Variants in CTNNA2 observed in about 807,000 individuals in gnomAD.
The protein encoded by CTNNA2 is catenin alpha 2.
Under a neutral mutation model 101.0 loss-of-function variants are expected in CTNNA2, and 42 were observed. The observed-to-expected ratio is 0.42, with a 90% confidence interval of 0.32 to 0.54. CTNNA2 has a LOEUF of 0.54. CTNNA2 is among the 20% of genes least tolerant of loss of function. The pLI is 0.14. For synonymous variants in CTNNA2, 450 were observed against 456.4 expected, an observed-to-expected ratio of 0.99 and a Z score of 0.18; for missense variants, 871 against 1,223.1, an observed-to-expected ratio of 0.71 and a Z score of 4.29.
At chr2:80,625,937 C>A (rs895580229) in intron 18 of CTNNA2, among the ~76,000 whole-genome samples, 2 of 151,472 alleles carry the variant, frequency 1.3e-5, no homozygotes, top group Non-Finnish European at 2.9e-5. Context: ...TATATTAAAC[C>A]CTTTTTAAGA....
At chr2:80,305,812 C>T (rs948387688) in intron 7 of CTNNA2, among the ~76,000 whole-genome samples, 1 of 152,052 alleles carries the variant, frequency 6.6e-6, no homozygotes, top group African/African-American at 2.4e-5. Context: ...AGAAAGCCTG[C>T]GGGAAGTGAG....
In CTNNA2 at chr2:79,841,718, A is replaced by G. The variant is rs569228084; in HGVS notation, c.299-16295A>G. Among the ~76,000 whole-genome samples the G allele has an allele frequency of 9.2e-5, 14 of 152,322 alleles. No homozygotes were observed. In the South Asian group the frequency reaches 2.7e-3, roughly 29 times the overall value. On this transcript the variant is annotated intron_variant, in intron 3 of 18. Transcript: ENST00000402739. The stretch of plus-strand genomic sequence containing the variant: ...TCAACGATCCTTTAAATATGTCTTC[A>G]GTCTTAATGAAGAAACATTAACTGG...
chr2:79,534,902 G>GAA (rs538462997), intron 1 of CTNNA2, among the ~76,000 whole-genome samples: 1,490 of 137,078 alleles, frequency 0.011, 27 homozygotes, highest in East Asian at 0.053. Flanking sequence ...TAAGAAGGGT[G>GAA]AAAAAAAAAA....
chr2:79,239,932 CTTTCTT>C (rs1338812195), intron 2 of CTNNA2, among the ~76,000 whole-genome samples: 1 of 109,276 alleles, frequency 9.2e-6, no homozygotes, highest in East Asian at 3.1e-4. Context: ...TTTTCTTTTT[CTTTCTT>C]TTTTTTTTTT....
chr2:80,171,546 T>C (rs1002790166), intron 7 of CTNNA2, among the ~76,000 whole-genome samples: 4 of 152,168 alleles, frequency 2.6e-5, no homozygotes, highest in Non-Finnish European at 4.4e-5. Flanking sequence ...CAATCTAGGA[T>C]GGGGAGGCAT....
At chr2:79,519,493 A>T (rs1461051780) in intron 1 of CTNNA2, among the ~76,000 whole-genome samples, 1 of 152,152 alleles carries the variant, frequency 6.6e-6, no homozygotes, top group Non-Finnish European at 1.5e-5. Context: ...GTGATTAAAT[A>T]AGCCTCAAAC....
At chr2:79,222,990 T>TA (rs113544177) in intron 2 of CTNNA2, among the ~76,000 whole-genome samples, 10,189 of 148,710 alleles carry the variant, frequency 0.069, 405 homozygotes, top group East Asian at 0.14. Context: ...TAAAAAAAGT[T>TA]AAAAAAAAAA....
chr2:80,463,476 G>T (rs989430551), intron 9 of CTNNA2, among the ~76,000 whole-genome samples: 2 of 152,092 alleles, frequency 1.3e-5, no homozygotes, highest in African/African-American at 4.8e-5. Flanking sequence ...TTCGGCTCTG[G>T]TTAAATCTTA....
intron 8 of CTNNA2, among the ~76,000 whole-genome samples, chr2:80,400,785 A>G (rs1473498374): frequency 1.3e-5 from 2 of 152,122 alleles, no homozygotes; most frequent in East Asian, 1.9e-4. Context: ...CTCCACTGCC[A>G]TTGGCCCTAA....
At chr2:79,255,172 T>C (rs1213203586) in intron 2 of CTNNA2, among the ~76,000 whole-genome samples, 1 of 152,220 alleles carries the variant, frequency 6.6e-6, no homozygotes, top group Non-Finnish European at 1.5e-5. Context: ...TTATATGTAT[T>C]TTCTATAAGT....
chr2:79,269,956 A>T (rs1319561133), intron 2 of CTNNA2, among the ~76,000 whole-genome samples: 1 of 152,126 alleles, frequency 6.6e-6, no homozygotes, highest in African/African-American at 2.4e-5. Flanking sequence ...CCAGTACAGG[A>T]TGGCCACTGG....
intron 3 of CTNNA2, among the ~76,000 whole-genome samples, chr2:79,814,738 T>C (rs12476577): frequency 0.36 from 54,155 of 152,004 alleles, 10,006 homozygotes; most frequent in East Asian, 0.68. Flanking sequence ...GCTATAAACA[T>C]GCATGTGCGA....
chr2:79,514,305 C>T (rs1319463377), intron 1 of CTNNA2, among the ~76,000 whole-genome samples: 1 of 152,120 alleles, frequency 6.6e-6, no homozygotes, highest in African/African-American at 2.4e-5. Context: ...GTAAATATAC[C>T]ATTTAGATGG....
chr2:80,110,639 A>G (rs894173266), intron 7 of CTNNA2, among the ~76,000 whole-genome samples: 3 of 152,130 alleles, frequency 2.0e-5, no homozygotes, highest in Non-Finnish European at 1.5e-5. Flanking sequence ...AAAAATACTG[A>G]AGTGGACCAT....
At chr2:80,570,068 A>G (rs1005442424) in intron 12 of CTNNA2, among the ~76,000 whole-genome samples, 1 of 151,902 alleles carries the variant, frequency 6.6e-6, no homozygotes, top group Non-Finnish European at 1.5e-5. Context: ...TTCTGTTTTG[A>G]GACGGAGTCT....
At chr2:79,419,795 T>C in intron 4 of CTNNA2, among the ~76,000 whole-genome samples, 1 of 152,166 alleles carries the variant, frequency 6.6e-6, no homozygotes. Context: ...AGAAATAACC[T>C]TTAATGGCCT....
At chr2:79,444,968 C>G (rs544628646) in intron 4 of CTNNA2, among the ~76,000 whole-genome samples, 1 of 152,126 alleles carries the variant, frequency 6.6e-6, no homozygotes, top group South Asian at 2.1e-4. Context: ...AGAAGTTGAA[C>G]CTGCCTAGAT....
At chr2:79,872,615 C>T (rs1396563856) in intron 5 of CTNNA2, among the ~76,000 whole-genome samples, 3 of 152,096 alleles carry the variant, frequency 2.0e-5, no homozygotes, top group African/African-American at 7.2e-5. Flanking sequence ...TCTTTTAATG[C>T]TTAAGCAAAG....
At chr2:79,433,356 C>A (rs190843466) in intron 4 of CTNNA2, among the ~76,000 whole-genome samples, 21 of 152,252 alleles carry the variant, frequency 1.4e-4, no homozygotes, top group Non-Finnish European at 8.8e-5. Flanking sequence ...TTAGTTGCAG[C>A]AAGTCAGATC....
Sources: allele counts gnomAD v4.1 joint callset (sites outside exome capture counted in the v4.1 genomes callset), GRCh38; gene constraint gnomAD v4.1.1; transcripts MANE v1.5; gene names NCBI Gene and HGNC (gene_info 2026-07-23, HGNC 2026-07-21).